The following FRMD3 variants were observed in gnomAD, a reference collection of about 807,000 sequenced individuals.
The protein encoded by FRMD3 is FERM domain-containing protein 3.
Under a neutral mutation model 70.2 loss-of-function variants are expected in FRMD3, and 33 were observed. That is an observed-to-expected ratio of 0.47 (90% CI 0.36 to 0.63). The LOEUF is 0.63. Ranked by LOEUF, FRMD3 falls within the 20% of genes least tolerant of loss-of-function variation. The pLI is 0.00. For missense variants in FRMD3, 632 were observed against 711.4 expected, an observed-to-expected ratio of 0.89 and a Z score of 1.27; for synonymous variants, 279 against 255.9, an observed-to-expected ratio of 1.09 and a Z score of -0.86.
intron 13 of FRMD3, among the ~76,000 whole-genome samples, chr9:83,269,649 C>T (rs1833456809): frequency 6.6e-6 from 1 of 151,740 alleles, no homozygotes; most frequent in African/African-American, 2.4e-5. Flanking sequence ...GCGGAGGTTG[C>T]AGCAAGCCGA....
At chr9:83,482,143 G>T (rs1183396360) in intron 1 of FRMD3, among the ~76,000 whole-genome samples, 1 of 152,128 alleles carries the variant, frequency 6.6e-6, no homozygotes, top group African/African-American at 2.4e-5. Flanking sequence ...CACCAACAAG[G>T]CTTGTGCACA....
intron 1 of FRMD3, among the ~76,000 whole-genome samples, chr9:83,461,038 T>C (rs1827956388): frequency 6.6e-6 from 1 of 151,932 alleles, no homozygotes; most frequent in Non-Finnish European, 1.5e-5. Context: ...ACCAATAGGG[T>C]CAGAGGAAGA....
chr9:83,280,758 C>T (rs976838895), intron 13 of FRMD3, among the ~76,000 whole-genome samples: 3 of 152,088 alleles, frequency 2.0e-5, no homozygotes, highest in African/African-American at 7.2e-5. Flanking sequence ...AAAACCTATA[C>T]AACAGAAATT....
the FRMD3 span, among the ~76,000 whole-genome samples, chr9:83,544,279 G>A: frequency 4.6e-5 from 7 of 152,176 alleles, no homozygotes; most frequent in African/African-American, 1.7e-4. Flanking sequence ...GCACCATGGA[G>A]CTGGTGCAGC....
At chr9:83,507,717 T>TAC (rs1403849858) in intron 1 of FRMD3, among the ~76,000 whole-genome samples, 1 of 110,504 alleles carries the variant, frequency 9.0e-6, no homozygotes, top group African/African-American at 3.4e-5. Flanking sequence ...TATATATATA[T>TAC]ATATATATAT....
At chr9:83,267,623 A>T (rs1587649987) in intron 13 of FRMD3, among the ~76,000 whole-genome samples, 1 of 152,250 alleles carries the variant, frequency 6.6e-6, no homozygotes, top group East Asian at 1.9e-4. Context: ...AAAGCATTTA[A>T]AAAGCAAAAT....
chr9:83,267,053 C>T (rs747092578), intron 13 of FRMD3: 318 of 1,550,792 alleles, frequency 2.1e-4, no homozygotes, highest in African/African-American at 3.1e-4. Flanking sequence ...TCTCAGCAGA[C>T]GAACAAACAC....
At chr9:83,367,351 G>C (rs1489331840) in intron 3 of FRMD3, among the ~76,000 whole-genome samples, 1 of 152,214 alleles carries the variant, frequency 6.6e-6, no homozygotes, top group South Asian at 2.1e-4. Context: ...TGATTTTAAG[G>C]TTCTAATTCC....
chr9:83,563,614 C>T, the FRMD3 span, among the ~76,000 whole-genome samples: 1 of 152,148 alleles, frequency 6.6e-6, no homozygotes, highest in African/African-American at 2.4e-5. Flanking sequence ...CCACTCCCTC[C>T]TCCAGCTAAT....
intron 1 of FRMD3, among the ~76,000 whole-genome samples, chr9:83,468,686 T>A (rs1278180357): frequency 6.6e-6 from 1 of 152,204 alleles, no homozygotes; most frequent in Non-Finnish European, 1.5e-5. Context: ...GTTGCTCCCA[T>A]CCTTCCCAAT....
chr9:83,487,498 G>A (rs762533634), intron 1 of FRMD3, among the ~76,000 whole-genome samples: 1 of 152,088 alleles, frequency 6.6e-6, no homozygotes, highest in Non-Finnish European at 1.5e-5. Context: ...GCCATAGGTG[G>A]GATGAAATAA....
At position 83,245,462 on chromosome 9, in the gene FRMD3, C is replaced by A. The variant is rs1156333446; in HGVS notation, c.*2456G>T. 2.0e-6 allele frequency: 2 copies of A among 984,886 alleles called. No homozygotes were observed. The highest frequency in any genetic ancestry group is 1.7e-5 in the African/African-American group (1 of 57,204). 61.0% of individuals were successfully genotyped at this position (984,886 alleles called of 1,614,324 possible). A position where few individuals can be genotyped will look rare whatever the true frequency, so the allele number is the denominator to read the frequency against. ...AATTCAGCAGACCCTATTCTGTCAA[C>A]TTCTTCACTTAAAAACATTTCTATT... On this transcript the variant is annotated 3_prime_UTR_variant, in exon 14 of 14. Coordinates refer to ENST00000304195, the MANE Select transcript of FRMD3 (RefSeq NM_174938.6).
chr9:83,378,266 T>TTG (rs1350363037), intron 2 of FRMD3, among the ~76,000 whole-genome samples: 4 of 141,768 alleles, frequency 2.8e-5, no homozygotes, highest in Admixed American at 7.0e-5. Context: ...TTTTTGTTTT[T>TTG]TTTGTTTTTT....
At chr9:83,497,063 A>T (rs945621562) in intron 1 of FRMD3, among the ~76,000 whole-genome samples, 4 of 152,162 alleles carry the variant, frequency 2.6e-5, no homozygotes, top group African/African-American at 9.7e-5. Context: ...GCAGTGAACC[A>T]AGATTGTACC....
intron 2 of FRMD3, among the ~76,000 whole-genome samples, chr9:83,377,380 TC>T (rs1200745586): frequency 6.6e-6 from 1 of 152,166 alleles, no homozygotes; most frequent in Non-Finnish European, 1.5e-5. Flanking sequence ...TTCAGTATTT[TC>T]CGTGATGTTT....
rs1829937485 is a variant in FRMD3 at position 83,538,026 on chromosome 9, A to G, written c.147+59T>C. On this transcript the variant is annotated intron_variant, in intron 1 of 13. Transcript: ENST00000304195. This position sits in a 1 kb window ranked among gnomAD's most constrained non-coding sequence, Gnocchi z 4.7. ...TCCTTGTTCTCGCATGCCCACCGCA[A>G]AGGCCCCCCGCCCTGCTCCCGGCGT... is the stretch of plus-strand genomic sequence containing the variant. 1 of 1,585,592 alleles carries G rather than the reference A, an allele frequency of 6.3e-7. No homozygotes were observed. The highest frequency in any genetic ancestry group is 8.6e-7 in the Non-Finnish European group (1 of 1,161,770).
intron 1 of FRMD3, among the ~76,000 whole-genome samples, chr9:83,448,754 C>T (rs1395433768): frequency 6.6e-6 from 1 of 152,210 alleles, no homozygotes; most frequent in Non-Finnish European, 1.5e-5. Context: ...GCTAGCCAAA[C>T]CTTCAAAGCC....
At chr9:83,517,780 T>C (rs1036667128) in intron 1 of FRMD3, among the ~76,000 whole-genome samples, 11 of 152,156 alleles carry the variant, frequency 7.2e-5, no homozygotes, top group African/African-American at 2.4e-4. Flanking sequence ...ATCGAAAAGC[T>C]TATCCACCAC....
chr9:83,546,698 T>G, the FRMD3 span, among the ~76,000 whole-genome samples: 5 of 151,876 alleles, frequency 3.3e-5, no homozygotes, highest in African/African-American at 1.2e-4. Context: ...AATGTTCCAC[T>G]CCTGGCCAAC....
Sources: gnomAD v4.1 joint callset for allele counts (sites outside exome capture counted in the v4.1 genomes callset) on GRCh38, gnomAD v4.1.1 for gene constraint, Gnocchi (gnomAD v3.1) non-coding constraint, MANE v1.5 for transcripts, NCBI Gene and HGNC (gene_info 2026-07-23, HGNC 2026-07-21) for gene names.